The following FANCB variants were observed in gnomAD, a reference collection of about 807,000 sequenced individuals.
FANCB encodes the protein FA complementation group B.
A neutral mutation model predicts 38.9 loss-of-function variants in FANCB; 5 were observed. The ratio of observed to expected loss-of-function variants is 0.13; its 90% CI spans 0.07 to 0.27. FANCB has a LOEUF of 0.27. Ranked by LOEUF, FANCB falls within the 10% of genes least tolerant of loss-of-function variation. FANCB has a pLI of 1.00. For synonymous variants in FANCB, 236 were observed against 215.4 expected (o/e 1.10, Z -0.84); for missense variants, 573 against 602.7 (o/e 0.95, Z 0.52).
At chrX:14,871,668 T>C (rs891931285) in intron 1 of FANCB, among the ~76,000 whole-genome samples, 49 of 110,530 alleles carry the variant, frequency 4.4e-4, no homozygotes, top group Admixed American at 1.4e-3. Context: ...ATGGTTAAAT[T>C]TCAAAAATAA....
At chrX:14,870,458 G>A (rs753793882) in intron 1 of FANCB, among the ~76,000 whole-genome samples, 1 of 110,419 alleles carries the variant, frequency 9.1e-6, no homozygotes, top group South Asian at 3.8e-4. Flanking sequence ...GGGTGGCGGT[G>A]CGGGGCGGGG....
chrX:14,693,089 G>A, the FANCB span, among the ~76,000 whole-genome samples: 2 of 108,028 alleles, frequency 1.9e-5, no homozygotes, highest in African/African-American at 6.7e-5. Context: ...GACAGACAAA[G>A]AGAAAGCAAA....
the FANCB span, among the ~76,000 whole-genome samples, chrX:14,807,444 T>TC: frequency 8.9e-5 from 10 of 112,494 alleles, no homozygotes; most frequent in Non-Finnish European, 1.7e-4. Context: ...ATTTGGGAGT[T>TC]CAAGGATTCC....
the FANCB span, among the ~76,000 whole-genome samples, chrX:14,736,561 G>A: frequency 9.0e-6 from 1 of 111,216 alleles, no homozygotes; most frequent in East Asian, 2.9e-4. Context: ...CCCTCCGTGG[G>A]CTGCACCCAC....
the FANCB span, among the ~76,000 whole-genome samples, chrX:14,781,257 C>T: frequency 9.6e-6 from 1 of 104,353 alleles, no homozygotes; most frequent in East Asian, 2.9e-4. Context: ...TGATGAAACA[C>T]CATGTCTATT....
the FANCB span, among the ~76,000 whole-genome samples, chrX:14,760,728 G>A: frequency 9.0e-6 from 1 of 111,584 alleles, no homozygotes; most frequent in African/African-American, 3.3e-5. Flanking sequence ...CAGCACTTTG[G>A]GAGGCCGAGG....
At chrX:14,706,936 C>T in the FANCB span, among the ~76,000 whole-genome samples, 1 of 112,054 alleles carries the variant, frequency 8.9e-6, no homozygotes, top group African/African-American at 3.2e-5. Flanking sequence ...ACAGCCAATT[C>T]CTGACTGCCA....
At chrX:14,724,250 G>T in the FANCB span, among the ~76,000 whole-genome samples, 1 of 111,490 alleles carries the variant, frequency 9.0e-6, no homozygotes, top group Non-Finnish European at 1.9e-5. Context: ...CAAAAAATCA[G>T]AGACTTTTGT....
chrX:14,855,780 C>A (rs1306303979), intron 5 of FANCB, among the ~76,000 whole-genome samples: 1 of 112,086 alleles, frequency 8.9e-6, no homozygotes, highest in Non-Finnish European at 1.9e-5. Flanking sequence ...TGTTTCCAGA[C>A]AGGATTTTCT....
chrX:14,743,586 T>C, the FANCB span, among the ~76,000 whole-genome samples: 5 of 109,871 alleles, frequency 4.6e-5, no homozygotes, highest in Admixed American at 9.7e-5. Flanking sequence ...CTTTTTTTTT[T>C]TTTTTGTAGC....
At chrX:14,871,829 T>C (rs1434965584) in intron 1 of FANCB, among the ~76,000 whole-genome samples, 2 of 109,952 alleles carry the variant, frequency 1.8e-5, no homozygotes, top group East Asian at 5.6e-4. Context: ...TACTATTTTT[T>C]TTTTTTTTCC....
At chrX:14,847,008 T>C (rs1039171925) in intron 7 of FANCB, among the ~76,000 whole-genome samples, 1 of 110,406 alleles carries the variant, frequency 9.1e-6, no homozygotes, top group Non-Finnish European at 1.9e-5. Context: ...GGGGTAATTA[T>C]ATAAGTTCTT....
chrX:14,750,713 C>T, the FANCB span, among the ~76,000 whole-genome samples: 1 of 110,688 alleles, frequency 9.0e-6, no homozygotes, highest in Non-Finnish European at 1.9e-5. Flanking sequence ...GTATCCTTGC[C>T]TCTTGCCAGC....
chrX:14,830,519 T>C, the FANCB span, among the ~76,000 whole-genome samples: 9 of 112,082 alleles, frequency 8.0e-5, no homozygotes, highest in Admixed American at 9.5e-5. Flanking sequence ...TTAAGAACCA[T>C]TAATAAAAGA....
chrX:14,720,149 A>G, the FANCB span, among the ~76,000 whole-genome samples: 1 of 111,351 alleles, frequency 9.0e-6, no homozygotes, highest in Non-Finnish European at 1.9e-5. Flanking sequence ...ACAATAATTT[A>G]TTGTATTTTT....
the FANCB span, among the ~76,000 whole-genome samples, chrX:14,792,340 C>T: frequency 3.0e-4 from 33 of 110,708 alleles, no homozygotes; most frequent in African/African-American, 7.9e-4. Flanking sequence ...TCTCCATTGA[C>T]GCCTTTCTCA....
At chrX:14,711,646 C>T in the FANCB span, among the ~76,000 whole-genome samples, 3 of 112,252 alleles carry the variant, frequency 2.7e-5, no homozygotes, top group Non-Finnish European at 5.6e-5. Context: ...GGCATGTAAA[C>T]TTTTAATGTA....
At chrX:14,810,014 T>G in the FANCB span, among the ~76,000 whole-genome samples, 5 of 111,637 alleles carry the variant, frequency 4.5e-5, no homozygotes, top group African/African-American at 1.6e-4. Context: ...ACAGCAGCAT[T>G]CGTGGTTCTG....
Position 14,857,445 on chromosome X carries a change from T to C in FANCB, c.1197+417A>G, listed in dbSNP as rs756483197. 1.8e-3 allele frequency among the ~76,000 whole-genome samples: 203 copies of C among 111,776 alleles called. 1 individual carries two copies. The highest frequency in any genetic ancestry group is 6.0e-3 in the African/African-American group (184 of 30,822). On this transcript the variant is annotated intron_variant, in intron 5 of 9. Coordinates refer to ENST00000650831, the MANE Select transcript of FANCB (RefSeq NM_001018113.3). Reference sequence around the variant, plus strand: ...TTACAGGGAATGTTCATTACCTTGGTACATTTGGGAAAAAAAATAAAAACT... The same window carrying C: ...TTACAGGGAATGTTCATTACCTTGGCACATTTGGGAAAAAAAATAAAAACT...
Sources: gnomAD v4.1 joint callset for allele counts (sites outside exome capture counted in the v4.1 genomes callset) on GRCh38, gnomAD v4.1.1 for gene constraint, MANE v1.5 for transcripts, NCBI Gene and HGNC (gene_info 2026-07-23, HGNC 2026-07-21) for gene names.